Variants in FABP3 observed in about 807,000 individuals in gnomAD.
The protein encoded by FABP3 is fatty acid-binding protein, heart.
In FABP3, 8 loss-of-function variants were observed where a neutral mutation model predicts 13.4. The observed-to-expected ratio is 0.60, with a 90% CI of 0.35 to 1.07. The LOEUF (loss-of-function observed/expected upper bound fraction) is 1.07, where lower values mean the gene tolerates loss of function less well. FABP3 is among the 50% of genes least tolerant of loss of function. FABP3 has a pLI of 0.02. For synonymous variants in FABP3, 64 were observed against 60.0 expected, an observed-to-expected ratio of 1.07 and a Z score of -0.31; for missense variants, 135 against 164.7, an observed-to-expected ratio of 0.82 and a Z score of 0.99.
Position 31,365,736 on chromosome 1 carries a change from G to T in FABP3, c.*150C>A. Reference sequence around the variant, plus strand: ...AAAAAAAAAAAACCACATACACCATGGGAACTGGAACTGGATCCCGGTCAG... The same window carrying T: ...AAAAAAAAAAAACCACATACACCATTGGAACTGGAACTGGATCCCGGTCAG... On this transcript the variant is annotated 3_prime_UTR_variant, in exon 4 of 4. Transcript: ENST00000373713. The T allele has an allele frequency of 4.5e-6, 3 of 670,204 alleles. No individual in the cohort carries two copies. The highest frequency in any genetic ancestry group is 5.3e-6 in the Non-Finnish European group (2 of 378,742). The allele number at this position is 670,204 out of a possible 1,614,324, so 41.5% of individuals were successfully genotyped here.
At chr1:31,362,649 C>G (rs770235167), downstream of FABP3, among the ~76,000 whole-genome samples, 1 of 152,158 alleles carries the variant, frequency 6.6e-6, no homozygotes, top group Non-Finnish European at 1.5e-5. Context: ...CAAGTACAGG[C>G]TTATTATTTG....
chr1:31,366,708 C>G (rs1233427747), intron 3 of FABP3, among the ~76,000 whole-genome samples: 1 of 152,144 alleles, frequency 6.6e-6, no homozygotes, highest in Non-Finnish European at 1.5e-5. Context: ...AAGTGAAGTC[C>G]CCAAGCTTGA....
At chr1:31,372,591 A>G (rs1186806546) in intron 1 of FABP3, among the ~76,000 whole-genome samples, 1 of 151,976 alleles carries the variant, frequency 6.6e-6, no homozygotes, top group Non-Finnish European at 1.5e-5. Flanking sequence ...TCCAATTTCT[A>G]AACTACCCAT....
downstream of FABP3, among the ~76,000 whole-genome samples, chr1:31,365,170 GA>G (rs144380026): frequency 5.8e-3 from 879 of 152,292 alleles, 70 homozygotes; most frequent in East Asian, 0.14. Context: ...GTTGATTAGA[GA>G]AGCAGTAAGA....
At chr1:31,367,357 A>G (rs1256326454) in intron 3 of FABP3, 36 bp downstream of exon 3, 5 of 1,535,314 alleles carry the variant, frequency 3.3e-6, no homozygotes, top group Non-Finnish European at 4.5e-6. Flanking sequence ...AGTAGTAATA[A>G]CCAATCAGAT....
At position 31,365,833 on chromosome 1, in the gene FABP3, G is replaced by C. The variant is rs368661026; in HGVS notation, c.*53C>G. 9 of 1,514,768 alleles carry C rather than the reference G, an allele frequency of 5.9e-6. No individual in the cohort carries two copies. The highest frequency in any genetic ancestry group is 5.0e-5 in the Admixed American group (3 of 59,702). 93.8% of individuals were successfully genotyped at this position (1,514,768 alleles called of 1,614,324 possible). A position where few individuals can be genotyped will look rare whatever the true frequency, so the allele number is the denominator to read the frequency against. On this transcript the variant is annotated 3_prime_UTR_variant, in exon 4 of 4. Coordinates refer to ENST00000373713, the MANE Select transcript of FABP3 (RefSeq NM_004102.5). ...GGAAGAAATGAGGCAATGTGGTGCT[G>C]AGTCGAGGGGTAGCCGATTGGCAGA...
rs754045757 is a variant in FABP3, at chr1:31,367,443, C to T, written c.298G>A (p.Gly100Arg). 9 of 1,614,102 alleles carry T rather than the reference C, an allele frequency of 5.6e-6. No individual in the cohort carries two copies. Among genetic ancestry groups the T allele is most frequent in the Admixed American group, 3.3e-5 (2 of 60,008 alleles). The change falls in exon 3 of 4, where the codon GGG becomes AGG. Residue 100 changes from glycine to arginine, a missense_variant. By Grantham distance (125) the Gly-to-Arg change is moderately radical (BLOSUM62 -2). Transcript: ENST00000373713. The part of the protein sequence containing the change: ...GKLVHLQKWD[G>R]QETTLVRELI... The stretch of plus-strand genomic sequence containing the variant: ...TCCCGCACAAGTGTGGTCTCTTGCC[C>T]GTCCCATTTCTGCAGGTGAACAAGT...
At chr1:31,367,153 C>G (rs1326440803) in intron 3 of FABP3, among the ~76,000 whole-genome samples, 1 of 152,300 alleles carries the variant, frequency 6.6e-6, no homozygotes, top group Non-Finnish European at 1.5e-5. Context: ...TACAGTTGCA[C>G]TTGGAAAAGG....
Position 31,368,301 on chromosome 1 carries a change from C to CT in FABP3, c.247-808dup, listed in dbSNP as rs1252316418. Among the ~76,000 whole-genome samples the CT allele has an allele frequency of 6.6e-5, 10 of 152,266 alleles. No homozygotes were observed. In the East Asian group the frequency reaches 1.2e-3, roughly 18 times the overall value. On this transcript the variant is annotated intron_variant, in intron 2 of 3. Coordinates refer to ENST00000373713, the MANE Select transcript of FABP3 (RefSeq NM_004102.5). The stretch of plus-strand genomic sequence containing the variant: ...TATGAGGCCTGTCTCTTAGTGTGCT[C>CT]TTTTTTATCCTTACCTTACTCCTTG...
downstream of FABP3, chr1:31,364,331 A>G (rs1569966194): frequency 2.1e-6 from 3 of 1,407,328 alleles, no homozygotes; most frequent in East Asian, 7.5e-5. Context: ...GCTTCCCCTC[A>G]TGCAACAGGC....
intron 2 of FABP3, chr1:31,369,168 C>T: frequency 5.4e-6 from 3 of 552,644 alleles, no homozygotes; most frequent in Non-Finnish European, 9.6e-6. Context: ...ATAGATGAAT[C>T]CCAAGAAGGG....
In FABP3 at chr1:31,367,586, C is replaced by T. The variant is rs559061552; in HGVS notation, c.247-92G>A. The T allele has an allele frequency of 3.9e-6, 4 of 1,016,166 alleles. No individual in the cohort carries two copies. In the African/African-American group the frequency reaches 6.3e-5, roughly 16 times the overall value. 62.9% of individuals were successfully genotyped at this position (1,016,166 alleles called of 1,614,324 possible). ...GGACACTGGGCCACAGAGCACACAG[C>T]CTTTGACCCAAACTAGTGATGGTGT... On this transcript the variant is annotated intron_variant, in intron 2 of 3. Transcript: ENST00000373713.
rs149470082 is a variant in FABP3 at position 31,371,816 on chromosome 1, C to A, written c.73+1126G>T. On this transcript the variant is annotated intron_variant, in intron 1 of 3. Coordinates refer to ENST00000373713, the MANE Select transcript of FABP3 (RefSeq NM_004102.5). ...CATAGCGCCCAAGATAGGGTAGAGG[C>A]CGTTGAGAGCTTTGACCTCTCCATC... 1.3e-3 allele frequency among the ~76,000 whole-genome samples: 197 copies of A among 152,254 alleles called. 1 individual carries two copies. The highest frequency in any genetic ancestry group is 4.6e-3 in the African/African-American group (191 of 41,540).
At position 31,365,869 on chromosome 1, in the gene FABP3, G is replaced by C; in HGVS notation, c.*17C>G. 6.2e-7 allele frequency: 1 copy of C among 1,613,020 alleles called. No homozygotes were observed. The highest frequency in any genetic ancestry group is 1.1e-5 in the South Asian group (1 of 91,034). On this transcript the variant is annotated 3_prime_UTR_variant, in exon 4 of 4. Transcript: ENST00000373713. ...TAGCCGATTGGCAGAGTAGTAGTCA[G>C]CAACAGTGCAGTCAGGTCATGCCTC...
downstream of FABP3, among the ~76,000 whole-genome samples, chr1:31,363,736 C>T (rs1379633915): frequency 2.0e-5 from 3 of 152,166 alleles, no homozygotes; most frequent in South Asian, 2.1e-4. Context: ...GAGCTGTGAT[C>T]GTGCCACTGC....
intron 1 of FABP3, among the ~76,000 whole-genome samples, chr1:31,372,291 A>C (rs925611115): frequency 1.3e-5 from 2 of 152,020 alleles, no homozygotes; most frequent in Admixed American, 1.3e-4. Flanking sequence ...CTCTTGCCCC[A>C]CCCTACCACG....
chr1:31,366,806 G>A (rs1569973066), intron 3 of FABP3, among the ~76,000 whole-genome samples: 2 of 152,310 alleles, frequency 1.3e-5, no homozygotes, highest in East Asian at 3.9e-4. Flanking sequence ...CATGAAAATG[G>A]GGTAGGACTA....
At chr1:31,372,903 G>GT (rs747644459) in intron 1 of FABP3, 39 bp downstream of exon 1, 1 of 1,593,562 alleles carries the variant, frequency 6.3e-7, no homozygotes, top group Non-Finnish European at 8.6e-7. Flanking sequence ...CCACCAGCCA[G>GT]TCCCCAAGCC....
chr1:31,367,423 C>T lies in FABP3; in HGVS notation c.318G>A (p.Val106=), dbSNP rs1356607229. ...QKWDGQETTL[V]RELIDGKLIL... ...TGAGTTTTCCATCAATTAGCTCCCG[C>T]ACAAGTGTGGTCTCTTGCCCGTCCC... is the stretch of plus-strand genomic sequence containing the variant. Residue 106 remains valine, a synonymous_variant, in exon 3 of 4, where the codon GTG becomes GTA. Transcript: ENST00000373713. 3 of 1,614,218 alleles carry T rather than the reference C, an allele frequency of 1.9e-6. No homozygotes were observed. The highest frequency in any genetic ancestry group is 1.7e-6 in the Non-Finnish European group (2 of 1,180,034).
Sources: gnomAD v4.1 joint callset for allele counts (sites outside exome capture counted in the v4.1 genomes callset) on GRCh38, gnomAD v4.1.1 for gene constraint, MANE v1.5 for transcripts, NCBI Gene and HGNC (gene_info 2026-07-23, HGNC 2026-07-21) for gene names.